The following CHPT1 variants were observed in gnomAD, a reference collection of about 807,000 sequenced individuals.
The protein encoded by CHPT1 is cholinephosphotransferase 1.
Under a neutral mutation model 47.6 loss-of-function variants are expected in CHPT1, and 36 were observed. That is an observed-to-expected ratio of 0.76 (90% CI 0.58 to 1.00). The LOEUF (loss-of-function observed/expected upper bound fraction) is 1.00, where lower values mean the gene tolerates loss of function less well. Ranked by LOEUF, CHPT1 falls within the 50% of genes least tolerant of loss-of-function variation. CHPT1 has a pLI of 0.00. For missense variants in CHPT1, 458 were observed against 498.1 expected, an observed-to-expected ratio of 0.92 and a Z score of 0.77; for synonymous variants, 194 against 186.3, an observed-to-expected ratio of 1.04 and a Z score of -0.33.
Position 101,697,812 on chromosome 12 carries a change from C to A in CHPT1, c.-50C>A. ...TCCCTCCACCTCTCCCTGCCCCCAGCGCCAGGCGCGGGCTGCGCTCGGTGG... is the reference window on the plus strand; with the variant it reads ...TCCCTCCACCTCTCCCTGCCCCCAGAGCCAGGCGCGGGCTGCGCTCGGTGG... On this transcript the variant is annotated 5_prime_UTR_variant, in exon 1 of 9. Coordinates refer to ENST00000229266, the MANE Select transcript of CHPT1 (RefSeq NM_020244.3). 1.4e-6 allele frequency: 1 copy of A among 737,798 alleles called. No individual in the cohort carries two copies. Among genetic ancestry groups the A allele is most frequent in the Non-Finnish European group, 1.7e-6 (1 of 594,788 alleles). 45.7% of individuals were successfully genotyped at this position (737,798 alleles called of 1,614,324 possible). A position where few individuals can be genotyped will look rare whatever the true frequency, so the allele number is the denominator to read the frequency against.
intron 8 of CHPT1, chr12:101,726,631 A>C (rs1057387035): frequency 1.3e-5 from 7 of 540,110 alleles, no homozygotes; most frequent in African/African-American, 1.9e-5. Context: ...AATTGTCTAC[A>C]TATTAATTAG....
intron 6 of CHPT1, 53 bp downstream of exon 6, chr12:101,723,379 C>A (rs1188794395): frequency 9.3e-7 from 1 of 1,070,394 alleles, no homozygotes; most frequent in Non-Finnish European, 1.3e-6. Context: ...TCGTCAAACA[C>A]AAAGCTGGAA....
chr12:101,713,287 G>GAAAACTATATAA, intron 1 of CHPT1, among the ~76,000 whole-genome samples: 2 of 123,624 alleles, frequency 1.6e-5, no homozygotes, highest in Non-Finnish European at 1.9e-5. Flanking sequence ...CCTGGCCTTT[G>GAAAACTATATAA]TTAGTTTCAT....
In CHPT1 at chr12:101,714,235, C is replaced by T; in HGVS notation, c.419C>T (p.Thr140Ile). Residue 140 changes from threonine (T) to isoleucine (I), a missense_variant and splice_region_variant, in exon 2 of 9, where the codon ACA (threonine) becomes ATA (isoleucine). Transcript: ENST00000229266. ...LFDHGCDSLS[T>I]VFMAVGASIA... is the part of the protein sequence containing the mutation. ...GACCATGGCTGTGACTCTCTTTCCA[C>T]AGGTAAATTAGTGGAGTTTTTTATT... The T allele has an allele frequency of 6.4e-7, 1 of 1,571,318 alleles. No individual in the cohort carries two copies. Among genetic ancestry groups the T allele is most frequent in the Non-Finnish European group, 8.6e-7 (1 of 1,165,654 alleles).
chr12:101,698,388 T>A (rs1046748048), intron 1 of CHPT1, among the ~76,000 whole-genome samples: 1 of 152,132 alleles, frequency 6.6e-6, no homozygotes, highest in Non-Finnish European at 1.5e-5. Context: ...AGGTCCTATG[T>A]CCGCGCAGAT....
At chr12:101,710,865 T>G (rs1951694503) in intron 1 of CHPT1, among the ~76,000 whole-genome samples, 1 of 148,858 alleles carries the variant, frequency 6.7e-6, no homozygotes, top group Non-Finnish European at 1.5e-5. Context: ...ATTTTGTCAT[T>G]ACAGAAATTT....
rs575344175 is a variant in CHPT1, at chr12:101,705,750, TG to T, written c.273+7617del. Reference sequence around the variant, plus strand: ...GCATGTATTCTTCCCATTGCTTTTTTGTTTTGTTTGTTTGTTTGTTTGTTTT... The same window carrying T: ...GCATGTATTCTTCCCATTGCTTTTTTTTTTGTTTGTTTGTTTGTTTGTTTT... On this transcript the variant is annotated intron_variant, in intron 1 of 8. Transcript: ENST00000229266. Among the ~76,000 whole-genome samples, 47 of 134,340 alleles carry T rather than the reference TG, an allele frequency of 3.5e-4. 1 individual carries two copies. The South Asian group carries it at 0.012, about 36-fold the overall frequency. 88.1% of individuals were successfully genotyped at this position (134,340 alleles called of 152,430 possible). A position where few individuals can be genotyped will look rare whatever the true frequency, so the allele number is the denominator to read the frequency against.
At chr12:101,708,687 C>T (rs1173245997) in intron 1 of CHPT1, among the ~76,000 whole-genome samples, 3 of 123,866 alleles carry the variant, frequency 2.4e-5, no homozygotes. Flanking sequence ...ACCTCTGCCT[C>T]CTGGGTTCAA....
At chr12:101,718,875 A>C (rs780089850) in intron 4 of CHPT1, among the ~76,000 whole-genome samples, 1 of 151,984 alleles carries the variant, frequency 6.6e-6, no homozygotes, top group Non-Finnish European at 1.5e-5. Flanking sequence ...GAGGGATGCT[A>C]TGCGTTTTTT....
chr12:101,725,844 A>G (rs1006315510), intron 7 of CHPT1, among the ~76,000 whole-genome samples: 17 of 152,136 alleles, frequency 1.1e-4, no homozygotes, highest in African/African-American at 3.9e-4. Flanking sequence ...TTGTAAACAC[A>G]ATTCTGTATA....
rs1951830348 is a variant in CHPT1, at chr12:101,720,342, C to G, written c.780+88C>G. Reference sequence around the variant, plus strand: ...AAAAAGATTAAAATATGCCAAAGTTCAAGAATGGGGAAGGAAACTAAGTAT... The same window carrying G: ...AAAAAGATTAAAATATGCCAAAGTTGAAGAATGGGGAAGGAAACTAAGTAT... On this transcript the variant is annotated intron_variant, in intron 5 of 8. Transcript: ENST00000229266. 5 of 1,130,606 alleles carry G rather than the reference C, an allele frequency of 4.4e-6. No homozygotes were observed. The Admixed American group carries it at 1.2e-4, about 26-fold the overall frequency. The allele number at this position is 1,130,606 out of a possible 1,614,324, so 70.0% of individuals were successfully genotyped here.
chr12:101,719,018 G>T, intron 4 of CHPT1, among the ~76,000 whole-genome samples: 1 of 151,616 alleles, frequency 6.6e-6, no homozygotes, highest in East Asian at 1.9e-4. Flanking sequence ...TTAGCCGGGT[G>T]TGGTGATGGG....
chr12:101,727,551 G>T (rs186083614), intron 8 of CHPT1: 1 of 149,408 alleles, frequency 6.7e-6, no homozygotes, highest in Non-Finnish European at 1.5e-5. Context: ...GCAAGAAAAA[G>T]GTATATTGAA....
chr12:101,722,337 A>G (rs1951863025), intron 5 of CHPT1, among the ~76,000 whole-genome samples: 1 of 152,214 alleles, frequency 6.6e-6, no homozygotes, highest in Non-Finnish European at 1.5e-5. Flanking sequence ...TAAACTTAAT[A>G]AACAAGAGTA....
intron 7 of CHPT1, 43 bp downstream of exon 7, chr12:101,723,890 A>G (rs1951901060): frequency 1.4e-6 from 2 of 1,399,730 alleles, no homozygotes; most frequent in Non-Finnish European, 2.0e-6. Flanking sequence ...AACAATGCTT[A>G]AGAGCTATTT....
At chr12:101,718,949 G>A (rs1193703986) in intron 4 of CHPT1, among the ~76,000 whole-genome samples, 1 of 151,888 alleles carries the variant, frequency 6.6e-6, no homozygotes, top group African/African-American at 2.4e-5. Flanking sequence ...CTGAGGTCAA[G>A]AGTTAAAGAC....
At chr12:101,705,208 T>C (rs986639535) in intron 1 of CHPT1, among the ~76,000 whole-genome samples, 2 of 134,098 alleles carry the variant, frequency 1.5e-5, no homozygotes, top group South Asian at 2.3e-4. Flanking sequence ...GGATTACAGG[T>C]GTGCACCACC....
At chr12:101,724,021 A>C (rs770695858) in intron 7 of CHPT1, among the ~76,000 whole-genome samples, 174 bp downstream of exon 7, 22 of 152,110 alleles carry the variant, frequency 1.4e-4, no homozygotes, top group Non-Finnish European at 2.9e-4. Flanking sequence ...GTTTGAGACC[A>C]ACCTGGCCAA....
intron 8 of CHPT1, 94 bp downstream of exon 8, chr12:101,726,498 G>A: frequency 6.6e-7 from 1 of 1,507,378 alleles, no homozygotes; most frequent in Non-Finnish European, 8.9e-7. Flanking sequence ...TGTGCAGGAG[G>A]CTAGTATACC....
Sources: allele counts gnomAD v4.1 joint callset (sites outside exome capture counted in the v4.1 genomes callset), GRCh38; gene constraint gnomAD v4.1.1; transcripts MANE v1.5; gene names NCBI Gene and HGNC (gene_info 2026-07-23, HGNC 2026-07-21).